NES: variants seen among roughly 807,000 people sequenced by gnomAD.
The protein encoded by NES is nestin.
Under a neutral mutation model 35.6 loss-of-function variants are expected in NES, and 27 were observed. The ratio of observed to expected loss-of-function variants is 0.76; its 90% CI spans 0.56 to 1.04. The LOEUF is 1.04. Ranked by LOEUF, NES falls within the 50% of genes least tolerant of loss-of-function variation. The pLI, the probability that NES is intolerant of heterozygous loss-of-function variation, is 0.00. For missense variants in NES, 1,867 were observed against 1,983.6 expected, an observed-to-expected ratio of 0.94 and a Z score of 1.12; for synonymous variants, 822 against 824.2, an observed-to-expected ratio of 1.00 and a Z score of 0.04.
rs776035652 is a variant in NES, at chr1:156,671,535, C to T, written c.2653G>A (p.Glu885Lys). ...EVNQETFRLL[E>K]EENQESLRSL... ...CTCAATGATTCCTGATTCTCCTCTT[C>T]CAGGAGTCTGAATGTCTCTTGGTTC... Residue 885 changes from glutamate (E) to lysine (K), a missense_variant, in exon 4 of 4, where the codon GAA (glutamate) becomes AAA (lysine). Coordinates refer to ENST00000368223, the MANE Select transcript of NES (RefSeq NM_006617.2). The T allele has an allele frequency of 3.7e-6, 6 of 1,613,870 alleles. No homozygotes were observed. Among genetic ancestry groups the T allele is most frequent in the South Asian group, 3.3e-5 (3 of 91,090 alleles).
At position 156,676,160 on chromosome 1, in the gene NES, G is replaced by GTAA. The variant is rs1647286657; in HGVS notation, c.783+319_783+321dup. ...GGCGACAGTGCTGGGTGTCCTCCTA[G>GTAA]TAATACCAGAGCCTGGGAAGGGACC... On this transcript the variant is annotated intron_variant, in intron 1 of 3. Coordinates refer to ENST00000368223, the MANE Select transcript of NES (RefSeq NM_006617.2). The surrounding 1 kb of genome is among the most constrained non-coding windows in gnomAD (Gnocchi z 5.3). Among the ~76,000 whole-genome samples the GTAA allele has an allele frequency of 6.6e-6, 1 of 152,248 alleles. No homozygotes were observed. The highest frequency in any genetic ancestry group is 1.5e-5 in the Non-Finnish European group (1 of 68,048).
In NES at chr1:156,669,612, C is replaced by A. The variant is rs767761291; in HGVS notation, c.4576G>T (p.Ala1526Ser). ...CCAATGATGTCTGCCCCTGGGCCTG[C>A]ATCCTCCATCCCACTGGGGATCTCT... The part of the protein sequence containing the change: ...PLEIPSGMED[A>S]GPGADIIGVN... The change falls in exon 4 of 4, where the codon GCA (alanine) becomes TCA (serine). Residue 1526 changes from alanine to serine, a missense_variant. By Grantham distance (99) the Ala-to-Ser change is moderately conservative (BLOSUM62 1). Coordinates refer to ENST00000368223, the MANE Select transcript of NES (RefSeq NM_006617.2). 6.2e-7 allele frequency: 1 copy of A among 1,614,116 alleles called. No individual in the cohort carries two copies. Among genetic ancestry groups the A allele is most frequent in the Non-Finnish European group, 8.5e-7 (1 of 1,179,988 alleles).
At position 156,672,652 on chromosome 1, in the gene NES, C is replaced by G. The variant is rs370483862; in HGVS notation, c.1536G>C (p.Glu512Asp). 4 of 1,613,840 alleles carry G rather than the reference C, an allele frequency of 2.5e-6. No homozygotes were observed. The highest frequency in any genetic ancestry group is 3.4e-6 in the Non-Finnish European group (4 of 1,180,052). The change falls in exon 4 of 4, where the codon GAG (glutamate) becomes GAC (aspartate). Residue 512 changes from glutamate to aspartate, a missense_variant. Physicochemically the swap from Glu to Asp is conservative, Grantham distance 45. Coordinates refer to ENST00000368223, the MANE Select transcript of NES (RefSeq NM_006617.2). ...WGLVEKETAI[E>D]GKVVSSLQQE... ...GCTGCAAGCTGCTTACCACTTTGCC[C>G]TCTATGGCTGTTTCTTTCTCTACCA... is the stretch of plus-strand genomic sequence containing the variant.
rs751849491 is a variant in NES, at chr1:156,673,537, A to G, written c.909-10T>C. ...AGCCTCCAGGAGGGTCCTGGAGAGG[A>G]CAGAGGGAAAGTGGGGTCAGCCCTC... On this transcript the variant is annotated splice_polypyrimidine_tract_variant and intron_variant, in intron 2 of 3. Transcript: ENST00000368223. 2 of 1,598,632 alleles carry G rather than the reference A, an allele frequency of 1.3e-6. No homozygotes were observed. The highest frequency in any genetic ancestry group is 1.3e-5 in the African/African-American group (1 of 74,602).
In NES at chr1:156,677,393, G is replaced by A; in HGVS notation, c.-129C>T. ...AATGACGGGGCGGGGCGGGGTGGGAGTAGCCTGAGCGACTGAGAGTCGGGA... is the reference window on the plus strand; with the variant it reads ...AATGACGGGGCGGGGCGGGGTGGGAATAGCCTGAGCGACTGAGAGTCGGGA... On this transcript the variant is annotated 5_prime_UTR_variant, in exon 1 of 4. Coordinates refer to ENST00000368223, the MANE Select transcript of NES (RefSeq NM_006617.2). This position sits in a 1 kb window ranked among gnomAD's most constrained non-coding sequence, Gnocchi z 4.5. 1.5e-6 allele frequency: 1 copy of A among 680,608 alleles called. No individual in the cohort carries two copies. The highest frequency in any genetic ancestry group is 2.5e-6 in the Non-Finnish European group (1 of 398,456). 42.2% of individuals were successfully genotyped at this position (680,608 alleles called of 1,614,324 possible). A position where few individuals can be genotyped will look rare whatever the true frequency, so the allele number is the denominator to read the frequency against.
At position 156,676,749 on chromosome 1, in the gene NES, G is replaced by C. The variant is rs1647306192; in HGVS notation, c.516C>G (p.Ala172=). The C allele has an allele frequency of 1.5e-6, 2 of 1,359,368 alleles. No homozygotes were observed. Among genetic ancestry groups the C allele is most frequent in the Non-Finnish European group, 1.9e-6 (2 of 1,065,618 alleles). 84.2% of individuals were successfully genotyped at this position (1,359,368 alleles called of 1,614,324 possible). A position where few individuals can be genotyped will look rare whatever the true frequency, so the allele number is the denominator to read the frequency against. ...PAPPRGPPAP[A]PEVEELARRL... is the part of the protein sequence containing the mutation. ...GCCTTGCCAGCTCCTCTACCTCCGG[G>C]GCCGGCGCGGGAGGCCCGCGGGGCG... is the stretch of plus-strand genomic sequence containing the variant. The change falls in exon 1 of 4, where the codon GCC becomes GCG. Residue 172 remains alanine, a synonymous_variant. Coordinates refer to ENST00000368223, the MANE Select transcript of NES (RefSeq NM_006617.2). This position sits in a 1 kb window ranked among gnomAD's most constrained non-coding sequence, Gnocchi z 5.3.
rs745594506 is a variant in NES, at chr1:156,669,464, C to T, written c.4724G>A (p.Arg1575Gln). Residue 1575 changes from arginine to glutamine, a missense_variant, in exon 4 of 4, where the codon CGA becomes CAA. Physicochemically the swap from Arg to Gln is conservative, Grantham distance 43 (BLOSUM62 1). Transcript: ENST00000368223. ...CTCCTCCTCCTGAAAGGGGCTCCCT[C>T]GGTCTCCCTCAGAGACTAGCGGCAT... ...QGMPLVSEGD[R>Q]GSPFQEEEGS... 14 of 1,613,476 alleles carry T rather than the reference C, an allele frequency of 8.7e-6. No homozygotes were observed. Among genetic ancestry groups the T allele is most frequent in the East Asian group, 4.5e-5 (2 of 44,846 alleles).
rs1679762767 is a variant in NES at position 156,672,787 on chromosome 1, T to C, written c.1401A>G (p.Ala467=). The C allele has an allele frequency of 8.1e-6, 13 of 1,613,566 alleles. No homozygotes were observed. Among genetic ancestry groups the C allele is most frequent in the Non-Finnish European group, 1.0e-5 (12 of 1,180,020 alleles). ...TGGAGTGGTCAGGGCTGAGGGGTGGTGCCAAGGAGGCATGGTCCTCTGGGG... is the reference window on the plus strand; with the variant it reads ...TGGAGTGGTCAGGGCTGAGGGGTGGCGCCAAGGAGGCATGGTCCTCTGGGG... The part of the protein sequence containing the change: ...GQSPEDHASL[A]PPLSPDHSSL... Residue 467 remains alanine (A), a synonymous_variant, in exon 4 of 4, where the codon GCA becomes GCG. Coordinates refer to ENST00000368223, the MANE Select transcript of NES (RefSeq NM_006617.2).
rs1679733833 is a variant in NES, at chr1:156,671,580, G to A, written c.2608C>T (p.Pro870Ser). ...TGGTTCACTTCCACAGACTCCAGTGGTTCTTGAATTTCCTTTTCTAGAGGA... is the reference window on the plus strand; with the variant it reads ...TGGTTCACTTCCACAGACTCCAGTGATTCTTGAATTTCCTTTTCTAGAGGA... ...MNPLEKEIQE[P>S]LESVEVNQET... is the part of the protein sequence containing the mutation. Residue 870 changes from proline (P) to serine (S), a missense_variant, in exon 4 of 4, where the codon CCA becomes TCA. Physicochemically the swap from Pro to Ser is moderately conservative, Grantham distance 74. Transcript: ENST00000368223. The A allele has an allele frequency of 3.1e-6, 5 of 1,613,914 alleles. No homozygotes were observed. Among genetic ancestry groups the A allele is most frequent in the Non-Finnish European group, 4.2e-6 (5 of 1,180,040 alleles).
Position 156,670,354 on chromosome 1 carries a change from T to G in NES, c.3834A>C (p.Glu1278Asp), listed in dbSNP as rs1679687283. 6.2e-7 allele frequency: 1 copy of G among 1,610,554 alleles called. No homozygotes were observed. Among genetic ancestry groups the G allele is most frequent in the Non-Finnish European group, 8.5e-7 (1 of 1,177,956 alleles). Residue 1278 changes from glutamate (E) to aspartate (D), a missense_variant, in exon 4 of 4, where the codon GAA becomes GAC. Coordinates refer to ENST00000368223, the MANE Select transcript of NES (RefSeq NM_006617.2). ...SGEIPEGPQE[E>D]GEESREESEE... is the part of the protein sequence containing the mutation. ...CGCTCTCTTCTCTGCTCTCCTCCCC[T>G]TCCTCCTGGGGGCCCTCGGGGATCT... is the stretch of plus-strand genomic sequence containing the variant.
Position 156,670,372 on chromosome 1 carries a change from G to C in NES, c.3816C>G (p.Pro1272=). ...EQEELGSGEI[P]EGPQEEGEES... is the part of the protein sequence containing the mutation. ...CCTCCCCTTCCTCCTGGGGGCCCTC[G>C]GGGATCTCCCCAGAACCCAACTCCT... The change falls in exon 4 of 4, where the codon CCC becomes CCG. Residue 1272 remains proline, a synonymous_variant. Transcript: ENST00000368223. 6.2e-7 allele frequency: 1 copy of C among 1,605,856 alleles called. No individual in the cohort carries two copies. The highest frequency in any genetic ancestry group is 8.5e-7 in the Non-Finnish European group (1 of 1,175,806).
Position 156,669,993 on chromosome 1 carries a change from C to A in NES, c.4195G>T (p.Asp1399Tyr), listed in dbSNP as rs138754005. 6 of 1,613,856 alleles carry A rather than the reference C, an allele frequency of 3.7e-6. No homozygotes were observed. In the African/African-American group the frequency reaches 6.7e-5, roughly 18 times the overall value. Residue 1399 changes from aspartate to tyrosine, a missense_variant, in exon 4 of 4, where the codon GAT becomes TAT. Coordinates refer to ENST00000368223, the MANE Select transcript of NES (RefSeq NM_006617.2). ...PLGQVPQLLLDPAAWDRDGES... is the reference protein window; with the variant it reads ...PLGQVPQLLLYPAAWDRDGES... Reference sequence around the variant, plus strand: ...CCATCTCGATCCCAGGCTGCAGGATCCAGTAGCAGCTGGGGCACCTGGCCC... The same window carrying A: ...CCATCTCGATCCCAGGCTGCAGGATACAGTAGCAGCTGGGGCACCTGGCCC...
rs1679660327 is a variant in NES at position 156,669,766 on chromosome 1, C to T, written c.4422G>A (p.Arg1474=). The change falls in exon 4 of 4, where the codon AGG becomes AGA. Residue 1474 remains arginine (R), a synonymous_variant. Coordinates refer to ENST00000368223, the MANE Select transcript of NES (RefSeq NM_006617.2). Reference sequence around the variant, plus strand: ...TCTTGGGGGCACCAGCCACTGCACCCCTCAAGCTGTCATCCCAGGGGACAC... The same window carrying T: ...TCTTGGGGGCACCAGCCACTGCACCTCTCAAGCTGTCATCCCAGGGGACAC... ...SVSVPWDDSL[R]GAVAGAPKTA... The T allele has an allele frequency of 1.2e-6, 2 of 1,614,048 alleles. No individual in the cohort carries two copies. Among genetic ancestry groups the T allele is most frequent in the African/African-American group, 2.7e-5 (2 of 75,020 alleles).
chr1:156,675,177 T>C, intron 2 of NES, 39 bp downstream of exon 2: 1 of 1,602,484 alleles, frequency 6.2e-7, no homozygotes, highest in South Asian at 1.1e-5. Flanking sequence ...CATGTGTGTG[T>C]GCCTCTGTGT....
At position 156,674,306 on chromosome 1, in the gene NES, T is replaced by A. The variant is rs867365768; in HGVS notation, c.909-779A>T. On this transcript the variant is annotated intron_variant, in intron 2 of 3. Coordinates refer to ENST00000368223, the MANE Select transcript of NES (RefSeq NM_006617.2). ...AGGATGAGCAGCTGCTCCTCTCTGC[T>A]TTGCTCCATGATCTCTGAGTCTGGT... 5.3e-5 allele frequency among the ~76,000 whole-genome samples: 8 copies of A among 152,280 alleles called. No individual in the cohort carries two copies. In the Middle Eastern group the frequency reaches 0.01, roughly 194 times the overall value.
In NES at chr1:156,673,526, T is replaced by C. The variant is rs1469003776; in HGVS notation, c.910A>G (p.Thr304Ala). Residue 304 changes from threonine to alanine, a missense_variant and splice_region_variant, in exon 3 of 4, where the codon ACC (threonine) becomes GCC (alanine). By Grantham distance (58) the Thr-to-Ala change is moderately conservative. Coordinates refer to ENST00000368223, the MANE Select transcript of NES (RefSeq NM_006617.2). ...CGGGAGTTCTCAGCCTCCAGGAGGGTCCTGGAGAGGACAGAGGGAAAGTGG... is the reference window on the plus strand; with the variant it reads ...CGGGAGTTCTCAGCCTCCAGGAGGGCCCTGGAGAGGACAGAGGGAAAGTGG... ...SLSLEVATYR[T>A]LLEAENSRLQ... 1 of 1,609,552 alleles carries C rather than the reference T, an allele frequency of 6.2e-7. No homozygotes were observed. The highest frequency in any genetic ancestry group is 1.3e-5 in the African/African-American group (1 of 74,900).
rs1647322966 is a variant in NES, at chr1:156,677,082, C to A, written c.183G>T (p.Ala61=). The stretch of plus-strand genomic sequence containing the variant: ...GTTGGTCAACGAGGGCCCGCAGGGC[C>A]GCCAGCTCGTCGTCGGCATGCGCCC... ...SWRAHADDEL[A]ALRALVDQRW... The change falls in exon 1 of 4, where the codon GCG becomes GCT. Residue 61 remains alanine (A), a synonymous_variant. Coordinates refer to ENST00000368223, the MANE Select transcript of NES (RefSeq NM_006617.2). The surrounding 1 kb of genome is among the most constrained non-coding windows in gnomAD (Gnocchi z 4.5). 6.2e-7 allele frequency: 1 copy of A among 1,601,378 alleles called. No homozygotes were observed. The highest frequency in any genetic ancestry group is 8.5e-7 in the Non-Finnish European group (1 of 1,175,354).
chr1:156,675,104 A>G, intron 2 of NES, 112 bp downstream of exon 2: 2 of 1,344,598 alleles, frequency 1.5e-6, no homozygotes, highest in Non-Finnish European at 2.1e-6. Flanking sequence ...CACAGAACCC[A>G]GTGGCAGCAG....
rs1291487636 is a variant in NES, at chr1:156,672,690, G to T, written c.1498C>A (p.Gln500Lys). The T allele has an allele frequency of 6.2e-7, 1 of 1,613,504 alleles. No homozygotes were observed. Among genetic ancestry groups the T allele is most frequent in the African/African-American group, 1.3e-5 (1 of 74,894 alleles). ...TCTTTCTCTACCAACCCCCAGATTT[G>T]CCCTTCACCTTCCCCTCGGCATATG... ...FSICRGEGEG[Q>K]IWGLVEKETA... Residue 500 changes from glutamine to lysine, a missense_variant, in exon 4 of 4, where the codon CAA (glutamine) becomes AAA (lysine). Gln to Lys is a moderately conservative substitution (Grantham distance 53). Coordinates refer to ENST00000368223, the MANE Select transcript of NES (RefSeq NM_006617.2).
Sources: gnomAD v4.1 joint callset for allele counts (sites outside exome capture counted in the v4.1 genomes callset) on GRCh38, gnomAD v4.1.1 for gene constraint, Gnocchi (gnomAD v3.1) non-coding constraint, MANE v1.5 for transcripts, NCBI Gene and HGNC (gene_info 2026-07-23, HGNC 2026-07-21) for gene names.